The following VTI1A variants were observed in gnomAD, a reference collection of about 807,000 sequenced individuals.
VTI1A encodes the protein vesicle transport through interaction with t-SNAREs 1A, also known as vesicle transport through interaction with t-SNAREs homolog 1A.
VTI1A carries 22 observed loss-of-function variants against 34.9 expected under a neutral mutation model. The observed-to-expected ratio is 0.63, with a 90% CI of 0.45 to 0.90. The LOEUF is 0.90. Among genes scored for constraint, VTI1A ranks in the 40% least tolerant of loss-of-function variants. The pLI is 0.00. For missense variants in VTI1A, 268 were observed against 275.6 expected (o/e 0.97, Z 0.20); for synonymous variants, 87 against 97.3 (o/e 0.89, Z 0.62).
chr10:112,661,767 T>G (rs1451038641), intron 5 of VTI1A, among the ~76,000 whole-genome samples: 1 of 129,264 alleles, frequency 7.7e-6, no homozygotes, highest in Non-Finnish European at 1.5e-5. Context: ...CTGTTAAGTT[T>G]TTTTTTTTTT....
chr10:112,557,443 A>G (rs1016378448), intron 5 of VTI1A, among the ~76,000 whole-genome samples: 2 of 152,194 alleles, frequency 1.3e-5, no homozygotes, highest in African/African-American at 4.8e-5. Context: ...TGGATTTTGT[A>G]TAAAGCAATT....
At chr10:112,724,775 C>T (rs1292729050) in intron 7 of VTI1A, among the ~76,000 whole-genome samples, 1 of 141,110 alleles carries the variant, frequency 7.1e-6, no homozygotes, top group Non-Finnish European at 1.5e-5. Context: ...TCCCCCATCC[C>T]CCCTTTTTTT....
At chr10:112,811,874 C>T (rs1052573348) in intron 7 of VTI1A, among the ~76,000 whole-genome samples, 3 of 152,088 alleles carry the variant, frequency 2.0e-5, no homozygotes, top group Non-Finnish European at 2.9e-5. Context: ...TCTGTGATTC[C>T]GGCTGCCACA....
chr10:112,464,363 AT>A (rs1847828710), intron 2 of VTI1A, among the ~76,000 whole-genome samples, 183 bp from the exon 3 acceptor site: 1 of 152,252 alleles, frequency 6.6e-6, no homozygotes, highest in African/African-American at 2.4e-5. Context: ...AGTACTCAGA[AT>A]TGTTGAACTA....
chr10:112,818,175 T>A lies in VTI1A; in HGVS notation c.*2792T>A. 4.3e-6 allele frequency: 1 copy of A among 233,542 alleles called. No individual in the cohort carries two copies. Among genetic ancestry groups the A allele is most frequent in the Non-Finnish European group, 8.5e-6 (1 of 117,922 alleles). The allele number at this position is 233,542 out of a possible 1,614,324, so 14.5% of individuals were successfully genotyped here. A position where few individuals can be genotyped will look rare whatever the true frequency, so the allele number is the denominator to read the frequency against. ...GGTGGGGGGTTTGCTTTGCTACTGCTTCTGAGCCCTGAGCTTCAAAGGCTG... is the reference window on the plus strand; with the variant it reads ...GGTGGGGGGTTTGCTTTGCTACTGCATCTGAGCCCTGAGCTTCAAAGGCTG... On this transcript the variant is annotated 3_prime_UTR_variant, in exon 8 of 8. Coordinates refer to ENST00000393077, the MANE Select transcript of VTI1A (RefSeq NM_145206.4).
chr10:112,627,441 A>G (rs766368014), intron 5 of VTI1A, among the ~76,000 whole-genome samples: 8 of 152,128 alleles, frequency 5.3e-5, no homozygotes, highest in Non-Finnish European at 1.2e-4. Flanking sequence ...ATTCATCTTT[A>G]TTACAAATTA....
At chr10:112,844,248 C>G in the VTI1A span, among the ~76,000 whole-genome samples, 64,376 of 152,074 alleles carry the variant, frequency 0.42, 15,043 homozygotes, top group East Asian at 0.78. Context: ...CTCTTCTTCT[C>G]TTTCCACTTC....
intron 5 of VTI1A, among the ~76,000 whole-genome samples, chr10:112,614,977 TC>T (rs1187524595): frequency 6.6e-6 from 1 of 152,020 alleles, no homozygotes; most frequent in Non-Finnish European, 1.5e-5. Context: ...TATTGATGGA[TC>T]AATCCAAGGA....
intron 3 of VTI1A, among the ~76,000 whole-genome samples, chr10:112,518,759 G>A (rs960527011): frequency 9.2e-5 from 14 of 151,498 alleles, no homozygotes; most frequent in African/African-American, 3.1e-4. Flanking sequence ...AGAACCAGTA[G>A]AGGGTGAAAC....
At chr10:112,469,701 C>T (rs1848014856) in intron 3 of VTI1A, among the ~76,000 whole-genome samples, 1 of 152,176 alleles carries the variant, frequency 6.6e-6, no homozygotes, top group Non-Finnish European at 1.5e-5. Flanking sequence ...CTGCCCTGGG[C>T]AACCTCTAAA....
chr10:112,826,544 CA>C, the VTI1A span: 1 of 152,294 alleles, frequency 6.6e-6, no homozygotes, highest in East Asian at 1.9e-4. Flanking sequence ...TGAGGTCTCA[CA>C]GTGTGCAAAG....
At chr10:112,546,325 G>A (rs760791140) in intron 5 of VTI1A, among the ~76,000 whole-genome samples, 7 of 152,076 alleles carry the variant, frequency 4.6e-5, no homozygotes, top group Non-Finnish European at 8.8e-5. Flanking sequence ...AAAGCACTTT[G>A]AGAAGCTGAG....
intron 3 of VTI1A, among the ~76,000 whole-genome samples, chr10:112,503,030 G>T (rs934074277): frequency 6.6e-6 from 1 of 151,858 alleles, no homozygotes; most frequent in Non-Finnish European, 1.5e-5. Flanking sequence ...ATATTTTCAG[G>T]GTACATGTGA....
chr10:112,780,112 TAAAAAAAAAAA>T (rs773277515), intron 7 of VTI1A, among the ~76,000 whole-genome samples: 2 of 111,490 alleles, frequency 1.8e-5, no homozygotes, highest in Non-Finnish European at 3.8e-5. Flanking sequence ...CCTTGTCTCT[TAAAAAAAAAAA>T]AAAAAAAAGC....
chr10:112,799,981 T>C (rs1852820723), intron 7 of VTI1A, among the ~76,000 whole-genome samples: 1 of 151,620 alleles, frequency 6.6e-6, no homozygotes, highest in African/African-American at 2.4e-5. Flanking sequence ...AGAGTTCTGA[T>C]GTTAGGATCT....
At chr10:112,739,007 A>G (rs546811062) in intron 7 of VTI1A, among the ~76,000 whole-genome samples, 3 of 152,302 alleles carry the variant, frequency 2.0e-5, no homozygotes, top group Admixed American at 2.0e-4. Context: ...CCTCAGGGTC[A>G]GAGGCCATCA....
chr10:112,694,877 G>A (rs866938036), intron 7 of VTI1A, among the ~76,000 whole-genome samples: 1 of 152,112 alleles, frequency 6.6e-6, no homozygotes, highest in Non-Finnish European at 1.5e-5. Context: ...GCTGAGGCAG[G>A]AGAATCACTT....
chr10:112,724,324 C>A (rs1412864542), intron 7 of VTI1A, among the ~76,000 whole-genome samples: 1 of 152,118 alleles, frequency 6.6e-6, no homozygotes. Flanking sequence ...ATCTACAGTT[C>A]GGAGGGTTGC....
chr10:112,597,295 G>T (rs951383180), intron 5 of VTI1A, among the ~76,000 whole-genome samples: 1 of 152,048 alleles, frequency 6.6e-6, no homozygotes, highest in East Asian at 1.9e-4. Context: ...TCGGCTCATC[G>T]CCACCTCCGC....
Sources: allele counts gnomAD v4.1 joint callset (sites outside exome capture counted in the v4.1 genomes callset), GRCh38; gene constraint gnomAD v4.1.1; transcripts MANE v1.5; gene names NCBI Gene and HGNC (gene_info 2026-07-23, HGNC 2026-07-21).